Variants in TANC1 observed in about 807,000 individuals in gnomAD.
TANC1 encodes the protein protein TANC1.
TANC1 carries 77 observed loss-of-function variants against 149.7 expected under a neutral mutation model. The observed-to-expected ratio is 0.51, with a 90% CI of 0.43 to 0.62. TANC1 has a LOEUF of 0.62. Ranked by LOEUF, TANC1 falls within the 20% of genes least tolerant of loss-of-function variation. The probability of loss-of-function intolerance (pLI) is 0.00; values close to 1 mark genes in which losing one functional copy is unlikely to be tolerated. For missense variants in TANC1, 1,985 were observed against 2,321.8 expected (o/e 0.85, Z 2.98); for synonymous variants, 854 against 925.0 (o/e 0.92, Z 1.39).
At chr2:159,070,264 C>CTT (rs35153581) in intron 3 of TANC1, among the ~76,000 whole-genome samples, 10 of 146,088 alleles carry the variant, frequency 6.8e-5, no homozygotes, top group Admixed American at 2.7e-4. Context: ...TTAAAGAAGA[C>CTT]TTTTTTTTTT....
intron 2 of TANC1, among the ~76,000 whole-genome samples, chr2:159,051,208 T>G (rs1172035269): frequency 6.6e-6 from 1 of 152,228 alleles, no homozygotes; most frequent in Non-Finnish European, 1.5e-5. Context: ...GACCACACAC[T>G]TACATTTAGG....
chr2:159,230,230 G>A lies in TANC1; in HGVS notation c.4804G>A (p.Gly1602Ser). 6.2e-7 allele frequency: 1 copy of A among 1,613,914 alleles called. No individual in the cohort carries two copies. Among genetic ancestry groups the A allele is most frequent in the African/African-American group, 1.3e-5 (1 of 75,056 alleles). Residue 1602 changes from glycine to serine, a missense_variant, in exon 27 of 27, where the codon GGC becomes AGC. Physicochemically the swap from Gly to Ser is moderately conservative, Grantham distance 56. This residue lies in a region of TANC1 where 920 missense variants were observed against 994.7 expected (regional missense o/e 0.92). Transcript: ENST00000263635. This position sits in a 1 kb window ranked among gnomAD's most constrained non-coding sequence, Gnocchi z 4.4. ...AGCGHFGDRL[G>S]PSQNVRLQCG... ...TTGTGGCCACTTTGGGGATCGGCTG[G>A]GCCCCAGCCAGAATGTCCGCCTGCA...
intron 2 of TANC1, among the ~76,000 whole-genome samples, chr2:159,009,095 A>G (rs2037507333): frequency 6.6e-6 from 1 of 152,232 alleles, no homozygotes; most frequent in Non-Finnish European, 1.5e-5. Flanking sequence ...GTTGGAAAAT[A>G]AATTATAGAT....
chr2:159,111,113 A>T (rs1212329027), intron 4 of TANC1, among the ~76,000 whole-genome samples: 1 of 152,264 alleles, frequency 6.6e-6, no homozygotes, highest in African/African-American at 2.4e-5. Context: ...AGGTCTAAGA[A>T]AGCAATGGTT....
intron 19 of TANC1, among the ~76,000 whole-genome samples, chr2:159,204,307 C>G (rs543601397): frequency 6.6e-6 from 1 of 152,200 alleles, no homozygotes; most frequent in African/African-American, 2.4e-5. Context: ...TCATAAAGAC[C>G]CAGTGTCCTG....
chr2:159,202,065 A>G (rs1382867782), intron 19 of TANC1, among the ~76,000 whole-genome samples: 2 of 152,214 alleles, frequency 1.3e-5, no homozygotes, highest in Middle Eastern at 3.2e-3. Flanking sequence ...TCCACATGGC[A>G]GAAGTGTGGT....
chr2:159,051,507 A>G (rs901653373), intron 2 of TANC1, among the ~76,000 whole-genome samples: 4 of 152,224 alleles, frequency 2.6e-5, no homozygotes, highest in African/African-American at 4.8e-5. Context: ...AAAACATCTG[A>G]TGTTCATACA....
intron 7 of TANC1, among the ~76,000 whole-genome samples, chr2:159,156,465 G>T (rs17703180): frequency 6.6e-6 from 1 of 152,020 alleles, no homozygotes; most frequent in African/African-American, 2.4e-5. Flanking sequence ...ATTTATTGGC[G>T]CCTACTGTGT....
At chr2:158,979,408 C>T (rs183884610) in intron 1 of TANC1, among the ~76,000 whole-genome samples, 234 of 151,292 alleles carry the variant, frequency 1.5e-3, no homozygotes, top group African/African-American at 4.8e-3. Flanking sequence ...GTGGGAGGGT[C>T]GCTTGAGCCT....
chr2:159,170,887 C>T, intron 10 of TANC1, 82 bp downstream of exon 10: 1 of 1,476,082 alleles, frequency 6.8e-7, no homozygotes, highest in Non-Finnish European at 9.2e-7. Context: ...ACATAAAATA[C>T]CAATTTTCCT....
intron 11 of TANC1, among the ~76,000 whole-genome samples, chr2:159,174,122 C>T (rs1261965604): frequency 1.3e-5 from 2 of 152,160 alleles, no homozygotes; most frequent in East Asian, 1.9e-4. Flanking sequence ...CCTTCCTTAC[C>T]TTCTACTTGT....
At position 159,232,404 on chromosome 2, in the gene TANC1, T is replaced by G. The variant is rs890926288; in HGVS notation, c.*1392T>G. 3 of 152,652 alleles carry G rather than the reference T, an allele frequency of 2.0e-5. No homozygotes were observed. The highest frequency in any genetic ancestry group is 4.4e-5 in the Non-Finnish European group (3 of 68,020). 9.5% of individuals were successfully genotyped at this position (152,652 alleles called of 1,614,324 possible). ...AATGTTTTAAAGTGAATTGTTGTAA[T>G]GAAGTTCCTGTGAACATCATTATGG... On this transcript the variant is annotated 3_prime_UTR_variant, in exon 27 of 27. Coordinates refer to ENST00000263635, the MANE Select transcript of TANC1 (RefSeq NM_033394.3).
chr2:159,133,950 A>C (rs1342580768), intron 4 of TANC1, among the ~76,000 whole-genome samples: 2 of 152,224 alleles, frequency 1.3e-5, no homozygotes, highest in African/African-American at 4.8e-5. Flanking sequence ...TTATTTTTAT[A>C]GTAGTATAAA....
intron 7 of TANC1, among the ~76,000 whole-genome samples, chr2:159,152,022 G>A (rs530557233): frequency 1.3e-5 from 2 of 152,150 alleles, no homozygotes; most frequent in Non-Finnish European, 2.9e-5. Context: ...CCCAGTCCTA[G>A]TCAACCAGTA....
chr2:159,042,824 C>T (rs1012319782), intron 2 of TANC1, among the ~76,000 whole-genome samples: 1 of 152,050 alleles, frequency 6.6e-6, no homozygotes, highest in Non-Finnish European at 1.5e-5. Context: ...AAACCTGGGA[C>T]TCCTGAGGGG....
intron 4 of TANC1, among the ~76,000 whole-genome samples, chr2:159,126,155 C>A (rs945654001): frequency 2.0e-5 from 3 of 152,134 alleles, no homozygotes; most frequent in Non-Finnish European, 4.4e-5. Flanking sequence ...TGCAGAGTCC[C>A]TACATGGTCG....
intron 13 of TANC1, among the ~76,000 whole-genome samples, chr2:159,178,317 GT>G (rs1218950957): frequency 1.3e-5 from 2 of 152,186 alleles, no homozygotes; most frequent in Non-Finnish European, 2.9e-5. Flanking sequence ...TAGGCTCAGG[GT>G]CCTTGGATGA....
chr2:159,139,694 T>C (rs1191879807), intron 5 of TANC1, among the ~76,000 whole-genome samples: 1 of 152,216 alleles, frequency 6.6e-6, no homozygotes, highest in African/African-American at 2.4e-5. Flanking sequence ...TCTCAAAATA[T>C]GATGAAACTT....
At position 159,101,949 on chromosome 2, in the gene TANC1, C is replaced by T. The variant is rs1040185346; in HGVS notation, c.259+4115C>T. On this transcript the variant is annotated intron_variant, in intron 4 of 26. Transcript: ENST00000263635. ...GAGTGCCGGCCACTTCCGCTTCTGC[C>T]GATTCCAGTTCCAGTTCTGTCTCAC... Among the ~76,000 whole-genome samples the T allele has an allele frequency of 5.9e-5, 9 of 152,182 alleles. No individual in the cohort carries two copies. The South Asian group carries it at 1.5e-3, about 25-fold the overall frequency.
Sources: allele counts gnomAD v4.1 joint callset (sites outside exome capture counted in the v4.1 genomes callset), GRCh38; gene constraint gnomAD v4.1.1; regional missense constraint gnomAD v4.1.1; non-coding constraint Gnocchi (gnomAD v3.1); transcripts MANE v1.5; gene names NCBI Gene and HGNC (gene_info 2026-07-23, HGNC 2026-07-21).